The following ZNF335 variants were observed in gnomAD, a reference collection of about 807,000 sequenced individuals.
The protein encoded by ZNF335 is zinc finger protein 335, also known as NRC-interacting factor 1.
In ZNF335, 84 loss-of-function variants were observed where a neutral mutation model predicts 145.6. That is an observed-to-expected ratio of 0.58 (90% CI 0.48 to 0.69). The LOEUF (loss-of-function observed/expected upper bound fraction) is 0.69. Among genes scored for constraint, ZNF335 ranks in the 30% least tolerant of loss-of-function variants. The pLI is 0.00. For synonymous variants in ZNF335, 761 were observed against 717.0 expected, an observed-to-expected ratio of 1.06 and a Z score of -0.98; for missense variants, 1,865 against 1,809.7, an observed-to-expected ratio of 1.03 and a Z score of -0.55.
At chr20:45,957,527 A>C (rs987817299) in intron 17 of ZNF335, 59 bp downstream of exon 17, 3 of 1,512,270 alleles carry the variant, frequency 2.0e-6, no homozygotes, top group Admixed American at 1.7e-5. Flanking sequence ...CCCAGTGTCC[A>C]GTGCAGGGCT....
In ZNF335 at chr20:45,952,156, G is replaced by C; in HGVS notation, c.3180C>G (p.Pro1060=). The change falls in exon 20 of 28, where the codon CCC becomes CCG. Residue 1060 remains proline (P), a synonymous_variant. Coordinates refer to ENST00000322927, the MANE Select transcript of ZNF335 (RefSeq NM_022095.4). The part of the protein sequence containing the change: ...PDCPFSARQW[P]EVRAHMAQHS... Reference sequence around the variant, plus strand: ...AGCAACCAGCACCTACCCGGACCTCGGGCCACTGGCGGGCACTGAAGGGGC... The same window carrying C: ...AGCAACCAGCACCTACCCGGACCTCCGGCCACTGGCGGGCACTGAAGGGGC... The C allele has an allele frequency of 6.3e-7, 1 of 1,599,274 alleles. No homozygotes were observed. The highest frequency in any genetic ancestry group is 8.5e-7 in the Non-Finnish European group (1 of 1,170,620).
At position 45,956,264 on chromosome 20, in the gene ZNF335, C is replaced by T. The variant is rs1676331092; in HGVS notation, c.2442+1322G>A. ...TTTTTTTTTTAGATGGAGTTTTGCT[C>T]GTTGGCCAGGCTGGAGTGCAATGGC... On this transcript the variant is annotated intron_variant, in intron 17 of 27. Coordinates refer to ENST00000322927, the MANE Select transcript of ZNF335 (RefSeq NM_022095.4). Among the ~76,000 whole-genome samples, 3 of 149,238 alleles carry T rather than the reference C, an allele frequency of 2.0e-5. No individual in the cohort carries two copies. The South Asian group carries it at 6.3e-4, about 31-fold the overall frequency.
rs746676164 is a variant in ZNF335 at position 45,963,738 on chromosome 20, T to C, written c.1355A>G (p.Lys452Arg). 4 of 1,613,996 alleles carry C rather than the reference T, an allele frequency of 2.5e-6. No homozygotes were observed. The South Asian group carries it at 3.3e-5, about 13-fold the overall frequency. ...CCACCCTCACCTCTGCTCCACATAC[T>C]TGCGGTATTTCTTGCCTAGGAAGCG... ...SRRFLGKKYR[K>R]YYYKSPKPLL... The change falls in exon 8 of 28, where the codon AAG becomes AGG. Residue 452 changes from lysine to arginine, a missense_variant and splice_region_variant. Transcript: ENST00000322927.
rs1226218825 is a variant in ZNF335, at chr20:45,948,723, A to C, written c.*230T>G. ...GGCCAGTGGGTCCACCCAAACAAAA[A>C]TAAATTTCTCTCCCAAAGCCTGCCT... On this transcript the variant is annotated 3_prime_UTR_variant, in exon 28 of 28. Coordinates refer to ENST00000322927, the MANE Select transcript of ZNF335 (RefSeq NM_022095.4). The C allele has an allele frequency of 5.2e-6, 3 of 575,142 alleles. No homozygotes were observed. In the African/African-American group the frequency reaches 5.7e-5, roughly 11 times the overall value. 35.6% of individuals were successfully genotyped at this position (575,142 alleles called of 1,614,324 possible).
In ZNF335 at chr20:45,952,578, T is replaced by C. The variant is rs781048942; in HGVS notation, c.2814+20A>G. ...GAAGGGGAGGGAGGTGGGGGAGTGG[T>C]TGGCATCCCCAAGCCTCACCTCAAT... On this transcript the variant is annotated intron_variant, in intron 19 of 27. Transcript: ENST00000322927. The C allele has an allele frequency of 3.1e-6, 5 of 1,612,756 alleles. No homozygotes were observed. Among genetic ancestry groups the C allele is most frequent in the Middle Eastern group, 1.6e-4 (1 of 6,072 alleles).
chr20:45,963,609 AG>A lies in ZNF335; in HGVS notation c.1396del (p.Leu466CysfsTer94). On this transcript the variant is annotated frameshift_variant, in exon 9 of 28. Coordinates refer to ENST00000322927, the MANE Select transcript of ZNF335 (RefSeq NM_022095.4). LOFTEE classifies it high-confidence loss of function. ...KSPKPLLRPF[L>X]CRICGSRFLS... ...AAAGCGAGAACCACAGATGCGGCAC[AG>A]GAAGGGCCTCAAAAGTGGTTTGGGC... 1 of 1,614,260 alleles carries A rather than the reference AG, an allele frequency of 6.2e-7. No homozygotes were observed. Among genetic ancestry groups the A allele is most frequent in the Non-Finnish European group, 8.5e-7 (1 of 1,180,048 alleles).
chr20:45,962,212 G>A (rs777819934), intron 9 of ZNF335, 30 bp from the exon 10 acceptor site: 2 of 1,587,458 alleles, frequency 1.3e-6, no homozygotes, highest in Non-Finnish European at 1.7e-6. Context: ...ATGGTGGGCT[G>A]GGGCTTGGCC....
At chr20:45,962,275 T>C (rs1424324001) in intron 9 of ZNF335, 93 bp from the exon 10 acceptor site, 3 of 989,962 alleles carry the variant, frequency 3.0e-6, no homozygotes, top group African/African-American at 1.6e-5. Context: ...TTAGGGTTGC[T>C]GCGGGAGCAG....
chr20:45,952,411 T>C lies in ZNF335; in HGVS notation c.2925A>G (p.Pro975=). ...CTACGCAGTGGGTCTTGGCTGGAGA[T>C]GGGGGCTCAGGGCCGTCTCTGGGCA... ...GGLPRDGPEP[P]SPAKTHCVGD... Residue 975 remains proline, a synonymous_variant, in exon 20 of 28, where the codon CCA becomes CCG. Coordinates refer to ENST00000322927, the MANE Select transcript of ZNF335 (RefSeq NM_022095.4). 1 of 1,583,960 alleles carries C rather than the reference T, an allele frequency of 6.3e-7. No individual in the cohort carries two copies. Among genetic ancestry groups the C allele is most frequent in the African/African-American group, 1.3e-5 (1 of 74,420 alleles).
In ZNF335 at chr20:45,952,591, G is replaced by A; in HGVS notation, c.2814+7C>T. 2 of 1,613,802 alleles carry A rather than the reference G, an allele frequency of 1.2e-6. No individual in the cohort carries two copies. Among genetic ancestry groups the A allele is most frequent in the Non-Finnish European group, 1.7e-6 (2 of 1,179,878 alleles). ...GTGGGGGAGTGGTTGGCATCCCCAA[G>A]CCTCACCTCAATGTGGTGCAACTGG... On this transcript the variant is annotated splice_region_variant and intron_variant, in intron 19 of 27. Transcript: ENST00000322927.
Position 45,948,696 on chromosome 20 carries a change from C to G in ZNF335, c.*257G>C. 3 of 497,130 alleles carry G rather than the reference C, an allele frequency of 6.0e-6. No individual in the cohort carries two copies. The South Asian group carries it at 6.1e-5, about 10-fold the overall frequency. 30.8% of individuals were successfully genotyped at this position (497,130 alleles called of 1,614,324 possible). On this transcript the variant is annotated 3_prime_UTR_variant, in exon 28 of 28. Coordinates refer to ENST00000322927, the MANE Select transcript of ZNF335 (RefSeq NM_022095.4). Reference sequence around the variant, plus strand: ...ACTCCGGTCCCTTTATTGAGACTGACAGGCCAGTGGGTCCACCCAAACAAA... The same window carrying G: ...ACTCCGGTCCCTTTATTGAGACTGAGAGGCCAGTGGGTCCACCCAAACAAA...
intron 6 of ZNF335, 94 bp from the exon 7 acceptor site, chr20:45,965,868 A>G: frequency 7.2e-7 from 1 of 1,396,566 alleles, no homozygotes; most frequent in African/African-American, 1.5e-5. Context: ...ACCCCTGCAT[A>G]CTCCTCCTCC....
intron 3 of ZNF335, 138 bp downstream of exon 3, chr20:45,969,313 T>G: frequency 3.5e-6 from 4 of 1,132,670 alleles, no homozygotes; most frequent in Non-Finnish European, 4.6e-6. Context: ...TTTACCACCA[T>G]GAGACAGGGG....
At chr20:45,959,579 A>G (rs1295918540) in intron 14 of ZNF335, 146 bp from the exon 15 acceptor site, 2 of 580,168 alleles carry the variant, frequency 3.4e-6, no homozygotes, top group Non-Finnish European at 5.4e-6. Context: ...GCCACTGTCC[A>G]TTCTGGTGGC....
In ZNF335 at chr20:45,967,488, G is replaced by A; in HGVS notation, c.955+6C>T. 2 of 1,614,052 alleles carry A rather than the reference G, an allele frequency of 1.2e-6. No individual in the cohort carries two copies. ...GATGGCAGGCCTAGAAACCATGGTG[G>A]CCTACCCTCCAGGTCATCAATGGCT... On this transcript the variant is annotated splice_donor_region_variant and intron_variant, in intron 6 of 27. Coordinates refer to ENST00000322927, the MANE Select transcript of ZNF335 (RefSeq NM_022095.4).
Position 45,967,918 on chromosome 20 carries a change from C to G in ZNF335, c.630G>C (p.Gln210His), listed in dbSNP as rs747242440. 6.2e-7 allele frequency: 1 copy of G among 1,612,482 alleles called. No homozygotes were observed. Among genetic ancestry groups the G allele is most frequent in the South Asian group, 1.1e-5 (1 of 91,068 alleles). The change falls in exon 5 of 28, where the codon CAG becomes CAC. Residue 210 changes from glutamine to histidine, a missense_variant. By Grantham distance (24) the Gln-to-His change is conservative (BLOSUM62 0). Coordinates refer to ENST00000322927, the MANE Select transcript of ZNF335 (RefSeq NM_022095.4). ...PTSTSTCLEA[Q>H]GGPSSPVQLP... Reference sequence around the variant, plus strand: ...GCTGCACCGGGGAGCTGGGCCCACCCTGTGCCTCCAGGCATGTGGATGTGG... The same window carrying G: ...GCTGCACCGGGGAGCTGGGCCCACCGTGTGCCTCCAGGCATGTGGATGTGG...
rs756226596 is a variant in ZNF335 at position 45,969,695 on chromosome 20, A to AG, written c.202-5dup. On this transcript the variant is annotated splice_region_variant and splice_polypyrimidine_tract_variant and intron_variant, in intron 2 of 27. Coordinates refer to ENST00000322927, the MANE Select transcript of ZNF335 (RefSeq NM_022095.4). ...AGCTGCTCTCAGATACCTCCTCCTG[A>AG]GGGGCATGAAACAGGGAGGGAAAAA... The AG allele has an allele frequency of 6.2e-7, 1 of 1,610,342 alleles. No individual in the cohort carries two copies. Among genetic ancestry groups the AG allele is most frequent in the South Asian group, 1.1e-5 (1 of 90,974 alleles).
chr20:45,949,622 A>C (rs1188797070), intron 24 of ZNF335, 54 bp from the exon 25 acceptor site: 1 of 1,545,502 alleles, frequency 6.5e-7, no homozygotes, highest in Non-Finnish European at 8.8e-7. Context: ...CCCACTCGCC[A>C]GGAGCTTAGC....
In ZNF335 at chr20:45,952,189, G is replaced by A. The variant is rs766110782; in HGVS notation, c.3147C>T (p.Cys1049=). Residue 1049 remains cysteine, a synonymous_variant, in exon 20 of 28, where the codon TGC becomes TGT. Transcript: ENST00000322927. ...RAHAGPGAFK[C]PDCPFSARQW... is the part of the protein sequence containing the mutation. ...GGCGGGCACTGAAGGGGCAGTCGGG[G>A]CACTTGAAGGCACCAGGCCCAGCGT... 5.6e-6 allele frequency: 9 copies of A among 1,610,968 alleles called. No homozygotes were observed. The highest frequency in any genetic ancestry group is 4.2e-6 in the Non-Finnish European group (5 of 1,178,526).
Sources: gnomAD v4.1 joint callset for allele counts (sites outside exome capture counted in the v4.1 genomes callset) on GRCh38, gnomAD v4.1.1 for gene constraint, MANE v1.5 for transcripts, NCBI Gene and HGNC (gene_info 2026-07-23, HGNC 2026-07-21) for gene names.